The following KIF13A variants were observed in gnomAD, a reference collection of about 807,000 sequenced individuals.
KIF13A encodes kinesin family member 13A.
In KIF13A, 79 loss-of-function variants were observed where a neutral mutation model predicts 212.2. That is an observed-to-expected ratio of 0.37 (90% confidence interval 0.31 to 0.45). The LOEUF is 0.45. Among genes scored for constraint, KIF13A ranks in the 20% least tolerant of loss-of-function variants. KIF13A has a pLI of 1.00. For missense variants in KIF13A, 1,901 were observed against 2,209.0 expected (o/e 0.86, Z 2.79); for synonymous variants, 789 against 808.6 (o/e 0.98, Z 0.41).
At position 17,789,729 on chromosome 6, in the gene KIF13A, T is replaced by C. The variant is rs1411345114; in HGVS notation, c.3261+143A>G. On this transcript the variant is annotated intron_variant, in intron 26 of 38. Transcript: ENST00000259711. The surrounding 1 kb of genome is among the most constrained non-coding windows in gnomAD (Gnocchi z 4.8). ...AGAAATAATATTGTGTTTGAATACA[T>C]ATAAAGCAAATCAAAAGCAAGTGAA... 3.2e-6 allele frequency: 2 copies of C among 629,142 alleles called. No homozygotes were observed. The highest frequency in any genetic ancestry group is 3.7e-5 in the African/African-American group (2 of 54,164). 39.0% of individuals were successfully genotyped at this position (629,142 alleles called of 1,614,324 possible).
At chr6:17,853,865 T>C (rs908996512) in intron 6 of KIF13A, among the ~76,000 whole-genome samples, 1 of 152,128 alleles carries the variant, frequency 6.6e-6, no homozygotes, top group African/African-American at 2.4e-5. Flanking sequence ...GGGGAACGTA[T>C]AGTGAGCTTC....
At position 17,789,047 on chromosome 6, in the gene KIF13A, G is replaced by A. The variant is rs1761314518; in HGVS notation, c.3261+825C>T. Reference sequence around the variant, plus strand: ...CACTGTACCCACATTTTACATGTAGGAAGGCACACTGGGAAAACATCCTTT... The same window carrying A: ...CACTGTACCCACATTTTACATGTAGAAAGGCACACTGGGAAAACATCCTTT... On this transcript the variant is annotated intron_variant, in intron 26 of 38. Coordinates refer to ENST00000259711, the MANE Select transcript of KIF13A (RefSeq NM_022113.6). The surrounding 1 kb of genome is among the most constrained non-coding windows in gnomAD (Gnocchi z 4.8). Among the ~76,000 whole-genome samples, 1 of 152,106 alleles carries A rather than the reference G, an allele frequency of 6.6e-6. No homozygotes were observed. The highest frequency in any genetic ancestry group is 1.5e-5 in the Non-Finnish European group (1 of 68,010).
intron 2 of KIF13A, chr6:17,950,388 T>A (rs1014499559): frequency 2.1e-6 from 2 of 962,436 alleles, no homozygotes; most frequent in African/African-American, 3.5e-5. Flanking sequence ...ATTAAAAATA[T>A]AATGACTCAC....
At chr6:17,933,539 T>C (rs922856213) in intron 2 of KIF13A, among the ~76,000 whole-genome samples, 2 of 152,022 alleles carry the variant, frequency 1.3e-5, no homozygotes, top group African/African-American at 4.8e-5. Context: ...CCACAATGTT[T>C]TGGCCTTCCA....
rs77128533 is a variant in KIF13A, at chr6:17,858,081, A to G, written c.221-1959T>C. 6.2e-5 allele frequency among the ~76,000 whole-genome samples: 9 copies of G among 144,678 alleles called. No individual in the cohort carries two copies. In the South Asian group the frequency reaches 1.1e-3, roughly 17 times the overall value. The allele number at this position is 144,678 out of a possible 152,430, so 94.9% of individuals were successfully genotyped here. On this transcript the variant is annotated intron_variant, in intron 4 of 38. Coordinates refer to ENST00000259711, the MANE Select transcript of KIF13A (RefSeq NM_022113.6). ...ATGTAAAACCTTATGTCAAATAGTT[A>G]TGTGTGTGTGTGTGTGTGTGTGTGT...
chr6:17,982,455 T>C lies in KIF13A; in HGVS notation c.146+4599A>G. ...TTCAGACAGGGATACCGCTGGTGAA[T>C]AAACTAAAAAATACATACAAAGTTT... On this transcript the variant is annotated intron_variant, in intron 2 of 38. Transcript: ENST00000259711. This position sits in a 1 kb window ranked among gnomAD's most constrained non-coding sequence, Gnocchi z 5.1. The C allele has an allele frequency of 1.0e-6, 1 of 983,988 alleles. No individual in the cohort carries two copies. The highest frequency in any genetic ancestry group is 1.2e-6 in the Non-Finnish European group (1 of 828,632). 61.0% of individuals were successfully genotyped at this position (983,988 alleles called of 1,614,324 possible). A position where few individuals can be genotyped will look rare whatever the true frequency, so the allele number is the denominator to read the frequency against.
Position 17,850,618 on chromosome 6 carries a change from A to G in KIF13A, c.583-161T>C, listed in dbSNP as rs1345653814. The stretch of plus-strand genomic sequence containing the variant: ...TCCATTGAGCATGGTTTGAGCTTCC[A>G]CCTCACTCAAGACTTTGTAATGTAT... On this transcript the variant is annotated intron_variant, in intron 7 of 38. Coordinates refer to ENST00000259711, the MANE Select transcript of KIF13A (RefSeq NM_022113.6). The surrounding 1 kb of genome is among the most constrained non-coding windows in gnomAD (Gnocchi z 6.2). Among the ~76,000 whole-genome samples, 1 of 152,064 alleles carries G rather than the reference A, an allele frequency of 6.6e-6. No individual in the cohort carries two copies. The highest frequency in any genetic ancestry group is 1.9e-4 in the East Asian group (1 of 5,182).
At position 17,785,720 on chromosome 6, in the gene KIF13A, C is replaced by G; in HGVS notation, c.3362-79G>C. On this transcript the variant is annotated intron_variant, in intron 27 of 38. Transcript: ENST00000259711. The surrounding 1 kb of genome is among the most constrained non-coding windows in gnomAD (Gnocchi z 5.8). The stretch of plus-strand genomic sequence containing the variant: ...CAGTTTACAAGGAATAGATTTCAGC[C>G]TGGGCAACATAGTGAGACCCCATCT... 5 of 1,482,018 alleles carry G rather than the reference C, an allele frequency of 3.4e-6. No individual in the cohort carries two copies. In the South Asian group the frequency reaches 6.1e-5, roughly 18 times the overall value. The allele number at this position is 1,482,018 out of a possible 1,614,324, so 91.8% of individuals were successfully genotyped here. A position where few individuals can be genotyped will look rare whatever the true frequency, so the allele number is the denominator to read the frequency against.
intron 32 of KIF13A, among the ~76,000 whole-genome samples, 158 bp from the exon 33 acceptor site, chr6:17,779,257 A>ATT (rs3076205): frequency 1.8e-3 from 68 of 37,808 alleles, no homozygotes; most frequent in Admixed American, 2.9e-3. Flanking sequence ...ATATATATAT[A>ATT]TTTTTTTTTT....
intron 2 of KIF13A, among the ~76,000 whole-genome samples, chr6:17,956,052 T>C (rs1778331021): frequency 6.6e-6 from 1 of 152,162 alleles, no homozygotes; most frequent in South Asian, 2.1e-4. Context: ...ATTTTGAGTG[T>C]GAACAGCAAG....
chr6:17,885,436 G>C (rs1215882187), intron 3 of KIF13A, among the ~76,000 whole-genome samples: 1 of 152,152 alleles, frequency 6.6e-6, no homozygotes, highest in African/African-American at 2.4e-5. Context: ...ACCAAATAAT[G>C]TCTTGCATTA....
intron 34 of KIF13A, among the ~76,000 whole-genome samples, chr6:17,775,852 T>A (rs1759920505): frequency 6.6e-6 from 1 of 152,142 alleles, no homozygotes; most frequent in African/African-American, 2.4e-5. Context: ...AAAAAATATT[T>A]TTTTTTTTAG....
rs932050606 is a variant in KIF13A, at chr6:17,899,055, T to A, written c.147-875A>T. On this transcript the variant is annotated intron_variant, in intron 2 of 38. Transcript: ENST00000259711. This position sits in a 1 kb window ranked among gnomAD's most constrained non-coding sequence, Gnocchi z 5.2. ...TTGCCCCAGGCTGGTCTCAAACTCC[T>A]GACCTCAAGCAATCCCCCCACCTCA... Among the ~76,000 whole-genome samples, 1 of 152,174 alleles carries A rather than the reference T, an allele frequency of 6.6e-6. No individual in the cohort carries two copies. Among genetic ancestry groups the A allele is most frequent in the Non-Finnish European group, 1.5e-5 (1 of 68,018 alleles).
rs1456689171 is a variant in KIF13A, at chr6:17,961,743, C to A, written c.146+25311G>T. 1.3e-5 allele frequency among the ~76,000 whole-genome samples: 2 copies of A among 152,148 alleles called. No individual in the cohort carries two copies. Among genetic ancestry groups the A allele is most frequent in the East Asian group, 3.8e-4 (2 of 5,204 alleles). On this transcript the variant is annotated intron_variant, in intron 2 of 38. Transcript: ENST00000259711. This position sits in a 1 kb window ranked among gnomAD's most constrained non-coding sequence, Gnocchi z 4.1. ...TGCATGGGCTTCTAGGATCCTCCAG[C>A]CAAGTAAGATGTCCACCTCCAGCAA...
chr6:17,898,137 T>C lies in KIF13A; in HGVS notation c.159+31A>G. The stretch of plus-strand genomic sequence containing the variant: ...CCTGGATTTTTGCACACTAAGCCAG[T>C]ATACATGCCAAATTTCATATTAGTG... On this transcript the variant is annotated intron_variant, in intron 3 of 38. Transcript: ENST00000259711. The surrounding 1 kb of genome is among the most constrained non-coding windows in gnomAD (Gnocchi z 5.2). The C allele has an allele frequency of 6.2e-7, 1 of 1,609,662 alleles. No homozygotes were observed. Among genetic ancestry groups the C allele is most frequent in the Non-Finnish European group, 8.5e-7 (1 of 1,176,752 alleles).
At chr6:17,945,619 CTAAA>C (rs1425364919) in intron 2 of KIF13A, among the ~76,000 whole-genome samples, 10 of 152,040 alleles carry the variant, frequency 6.6e-5, no homozygotes, top group Admixed American at 3.3e-4. Context: ...TAAAGAAGAA[CTAAA>C]TAAACAGATA....
chr6:17,796,898 T>C, intron 22 of KIF13A, 78 bp from the exon 23 acceptor site: 2 of 945,574 alleles, frequency 2.1e-6, no homozygotes, highest in Non-Finnish European at 2.9e-6. Flanking sequence ...TCAACTGTTA[T>C]ATTTATTTTA....
rs189139823 is a variant in KIF13A, at chr6:17,941,113, T to C, written c.147-42933A>G. Among the ~76,000 whole-genome samples, 4 of 152,284 alleles carry C rather than the reference T, an allele frequency of 2.6e-5. No homozygotes were observed. In the East Asian group the frequency reaches 5.8e-4, roughly 22 times the overall value. On this transcript the variant is annotated intron_variant, in intron 2 of 38. Transcript: ENST00000259711. ...GTGCTGGGATTACAGGCGTGAGCCA[T>C]TGCACCTGGCCCAACATATGTAATT...
intron 2 of KIF13A, among the ~76,000 whole-genome samples, chr6:17,916,861 A>G (rs894984825): frequency 3.3e-5 from 5 of 152,210 alleles, no homozygotes; most frequent in African/African-American, 1.2e-4. Flanking sequence ...TTGGTGAAGT[A>G]ACAGTAGTGT....
Sources: allele counts gnomAD v4.1 joint callset (sites outside exome capture counted in the v4.1 genomes callset), GRCh38; gene constraint gnomAD v4.1.1; non-coding constraint Gnocchi (gnomAD v3.1); transcripts MANE v1.5; gene names NCBI Gene and HGNC (gene_info 2026-07-23, HGNC 2026-07-21).